RAB36: variants seen among roughly 807,000 people sequenced by gnomAD.
RAB36 encodes the protein ras-related protein Rab-36.
A neutral mutation model predicts 39.3 loss-of-function variants in RAB36; 33 were observed. That is an observed-to-expected ratio of 0.84 (90% confidence interval 0.64 to 1.12). RAB36 has a LOEUF of 1.12. Among genes scored for constraint, RAB36 ranks in the 50% most tolerant of loss-of-function variants. The probability of loss-of-function intolerance (pLI) is 0.00; values close to 1 mark genes in which losing one functional copy is unlikely to be tolerated. For synonymous variants in RAB36, 133 were observed against 140.2 expected, an observed-to-expected ratio of 0.95 and a Z score of 0.36; for missense variants, 308 against 355.3, an observed-to-expected ratio of 0.87 and a Z score of 1.07.
downstream of RAB36, among the ~76,000 whole-genome samples, chr22:23,166,599 C>T (rs2072056251): frequency 6.6e-6 from 1 of 152,138 alleles, no homozygotes; most frequent in African/African-American, 2.4e-5. Context: ...TTACAATTCC[C>T]TTACCGTCCT....
chr22:23,152,405 G>C (rs2071199208), intron 3 of RAB36, 56 bp from the exon 4 acceptor site: 1 of 1,578,362 alleles, frequency 6.3e-7, no homozygotes, highest in Non-Finnish European at 8.7e-7. Flanking sequence ...GGCTGTGAGT[G>C]TCTGAAGACA....
rs983192589 is a variant in RAB36 at position 23,157,868 on chromosome 22, C to T, written c.395-124C>T. ...CCTCAGCCTTCATTGTAGGAGGTTC[C>T]GGTGCTGAGTGCCTGGTTGGGGGGC... On this transcript the variant is annotated intron_variant, in intron 6 of 10. Coordinates refer to ENST00000263116, the MANE Select transcript of RAB36 (RefSeq NM_004914.5). The T allele has an allele frequency of 8.3e-5, 130 of 1,561,712 alleles. 2 individuals are homozygous for T. Among genetic ancestry groups the T allele is most frequent in the Non-Finnish European group, 9.9e-5 (114 of 1,155,348 alleles).
rs1283406006 is a variant in RAB36, at chr22:23,152,459, A to G, written c.162-2A>G. ...ACGGCAACACGGCCATATTTCTCAC[A>G]GGCTCAAACTCTCCAAGGTGGTGGT... On this transcript the variant is annotated splice_acceptor_variant, in intron 3 of 10. Transcript: ENST00000263116. LOFTEE classifies it high-confidence loss of function. The G allele has an allele frequency of 6.2e-7, 1 of 1,614,032 alleles. No homozygotes were observed. Among genetic ancestry groups the G allele is most frequent in the Non-Finnish European group, 8.5e-7 (1 of 1,180,002 alleles).
chr22:23,147,628 T>G (rs1569203799), intron 2 of RAB36, among the ~76,000 whole-genome samples: 1 of 152,236 alleles, frequency 6.6e-6, no homozygotes, highest in African/African-American at 2.4e-5. Context: ...CCACCACAAC[T>G]GGCCTTGCTA....
chr22:23,158,783 CCTT>C, intron 7 of RAB36, 112 bp from the exon 8 acceptor site: 3 of 912,812 alleles, frequency 3.3e-6, no homozygotes, highest in Admixed American at 2.0e-5. Context: ...AGGAAGCCCT[CCTT>C]GTCCCTCCCA....
intron 3 of RAB36, 139 bp downstream of exon 3, chr22:23,150,293 C>CT (rs955850246): frequency 5.1e-3 from 2,501 of 491,966 alleles, no homozygotes; most frequent in Non-Finnish European, 6.0e-3. Flanking sequence ...CTGGGGTTTT[C>CT]TTTTTTTTTT....
intron 5 of RAB36, 70 bp from the exon 6 acceptor site, chr22:23,155,898 C>A: frequency 7.0e-7 from 1 of 1,422,398 alleles, no homozygotes; most frequent in Non-Finnish European, 9.5e-7. Context: ...GGTCCCGTAG[C>A]CTGTTGGCTC....
chr22:23,154,763 A>G (rs1447627457), intron 5 of RAB36, among the ~76,000 whole-genome samples: 1 of 152,210 alleles, frequency 6.6e-6, no homozygotes, highest in African/African-American at 2.4e-5. Flanking sequence ...CAGAAATGAA[A>G]GAAAATATGA....
chr22:23,168,506 A>ACACAGACACCTGCCGCTTCAGG (rs1323824465), downstream of RAB36, among the ~76,000 whole-genome samples: 1 of 152,114 alleles, frequency 6.6e-6, no homozygotes, highest in African/African-American at 2.4e-5. Context: ...CCACACACAC[A>ACACAGACACCTGCCGCTTCAGG]CACAGACACC....
chr22:23,149,816 C>T (rs532967863), intron 2 of RAB36, among the ~76,000 whole-genome samples: 2 of 152,340 alleles, frequency 1.3e-5, no homozygotes, highest in South Asian at 4.1e-4. Flanking sequence ...GAACTGCGGC[C>T]CCAGGTGAGA....
rs569064672 is a variant in RAB36, at chr22:23,147,481, C to T, written c.69+796C>T. Among the ~76,000 whole-genome samples, 11 of 152,228 alleles carry T rather than the reference C, an allele frequency of 7.2e-5. No homozygotes were observed. In the South Asian group the frequency reaches 2.3e-3, roughly 32 times the overall value. ...GAGTAGCTAGGACCACAGGCATGTGCTACCATGCCTGGCTAATTTTTAATT... is the reference window on the plus strand; with the variant it reads ...GAGTAGCTAGGACCACAGGCATGTGTTACCATGCCTGGCTAATTTTTAATT... On this transcript the variant is annotated intron_variant, in intron 2 of 10. Transcript: ENST00000263116.
intron 9 of RAB36, 51 bp downstream of exon 9, chr22:23,159,304 C>A: frequency 6.6e-7 from 1 of 1,507,832 alleles, no homozygotes; most frequent in South Asian, 1.2e-5. Context: ...TGCTCTTGGG[C>A]CAGTCCTGTG....
intron 9 of RAB36, among the ~76,000 whole-genome samples, 195 bp downstream of exon 9, chr22:23,159,448 T>C (rs1432814367): frequency 6.6e-6 from 1 of 152,218 alleles, no homozygotes; most frequent in Non-Finnish European, 1.5e-5. Flanking sequence ...CTGCGTCATC[T>C]CTAGAAGGAA....
intron 3 of RAB36, among the ~76,000 whole-genome samples, chr22:23,151,682 G>A (rs1339433840): frequency 6.6e-6 from 1 of 152,164 alleles, no homozygotes; most frequent in East Asian, 1.9e-4. Context: ...AGGAGTTTGA[G>A]ACTACTAGCC....
chr22:23,159,435 G>T lies in RAB36; in HGVS notation c.619+182G>T, dbSNP rs137907989. On this transcript the variant is annotated intron_variant, in intron 9 of 10. Transcript: ENST00000263116. ...TGGCAGCACTTTCATTGCCTAAGAG[G>T]AGCTGCGTCATCTCTAGAAGGAAGC... is the stretch of plus-strand genomic sequence containing the variant. Among the ~76,000 whole-genome samples, 479 of 152,352 alleles carry T rather than the reference G, an allele frequency of 3.1e-3. 4 individuals carry two copies. The highest frequency in any genetic ancestry group is 0.011 in the African/African-American group (451 of 41,578).
In RAB36 at chr22:23,162,944, C is replaced by G. The variant is rs1569222328; in HGVS notation, c.*1380C>G. ...TTTTTTTTTTGAGATGGAGTTTCAC[C>G]CTTGTTGCCCAGGCTGGAGTGCAAT... On this transcript the variant is annotated 3_prime_UTR_variant, in exon 11 of 11. Transcript: ENST00000263116. 2.9e-6 allele frequency: 1 copy of G among 343,438 alleles called. No individual in the cohort carries two copies. The highest frequency in any genetic ancestry group is 5.7e-6 in the Non-Finnish European group (1 of 174,788). The allele number at this position is 343,438 out of a possible 1,614,324, so 21.3% of individuals were successfully genotyped here.
chr22:23,155,162 T>G (rs1403149036), intron 5 of RAB36, among the ~76,000 whole-genome samples: 1 of 152,152 alleles, frequency 6.6e-6, no homozygotes, highest in Non-Finnish European at 1.5e-5. Context: ...AGATGTCTTG[T>G]TTGTGACTTG....
intron 7 of RAB36, 140 bp downstream of exon 7, chr22:23,158,183 C>T (rs911897275): frequency 2.1e-5 from 32 of 1,498,974 alleles, no homozygotes; most frequent in East Asian, 1.6e-4. Context: ...CAGCTGCCCA[C>T]GGACTACTTA....
At position 23,161,482 on chromosome 22, in the gene RAB36, C is replaced by T. The variant is rs1315210094; in HGVS notation, c.740-18C>T. 2 of 1,596,738 alleles carry T rather than the reference C, an allele frequency of 1.3e-6. No homozygotes were observed. Among genetic ancestry groups the T allele is most frequent in the African/African-American group, 2.7e-5 (2 of 74,546 alleles). Reference sequence around the variant, plus strand: ...AGGATTCCTGGTTGATGCTAAATTACTTCTCCCCTCCTTACAGAAATGGAA... The same window carrying T: ...AGGATTCCTGGTTGATGCTAAATTATTTCTCCCCTCCTTACAGAAATGGAA... On this transcript the variant is annotated intron_variant, in intron 10 of 10. Transcript: ENST00000263116.
Sources: allele counts gnomAD v4.1 joint callset (sites outside exome capture counted in the v4.1 genomes callset), GRCh38; gene constraint gnomAD v4.1.1; transcripts MANE v1.5; gene names NCBI Gene and HGNC (gene_info 2026-07-23, HGNC 2026-07-21).